DNAH9: variants seen among roughly 807,000 people sequenced by gnomAD.
The protein encoded by DNAH9 is dynein axonemal heavy chain 9.
Under a neutral mutation model 471.6 loss-of-function variants are expected in DNAH9, and 345 were observed. The ratio of observed to expected loss-of-function variants is 0.73; its 90% CI spans 0.67 to 0.80. DNAH9 has a LOEUF of 0.80. Ranked by LOEUF, DNAH9 falls within the 30% of genes least tolerant of loss-of-function variation. The pLI, the probability that DNAH9 is intolerant of heterozygous loss-of-function variation, is 0.00. For synonymous variants in DNAH9, 2,093 were observed against 2,123.6 expected, an observed-to-expected ratio of 0.99 and a Z score of 0.40; for missense variants, 5,407 against 5,609.2, an observed-to-expected ratio of 0.96 and a Z score of 1.15.
chr17:11,709,131 A>G (rs1354016056), intron 26 of DNAH9, among the ~76,000 whole-genome samples: 2 of 152,174 alleles, frequency 1.3e-5, no homozygotes, highest in Non-Finnish European at 2.9e-5. Flanking sequence ...TCTCTAGTAT[A>G]CTAGTGCTGA....
intron 6 of DNAH9, chr17:11,620,016 G>A (rs1028820883): frequency 1.9e-6 from 1 of 514,622 alleles, no homozygotes; most frequent in South Asian, 2.6e-5. Context: ...TTTAAAACCA[G>A]CCGGGCCAAC....
At chr17:11,717,749 T>G (rs1415373574) in intron 26 of DNAH9, among the ~76,000 whole-genome samples, 4 of 152,320 alleles carry the variant, frequency 2.6e-5, no homozygotes, top group Non-Finnish European at 5.9e-5. Flanking sequence ...ATCATCCAAC[T>G]GTAGAGCATT....
intron 66 of DNAH9, among the ~76,000 whole-genome samples, chr17:11,938,793 C>T (rs1480215557): frequency 6.6e-6 from 1 of 151,978 alleles, no homozygotes; most frequent in African/African-American, 2.4e-5. Context: ...GAGACAGGGT[C>T]GCACTATGTT....
chr17:11,754,604 C>G (rs1967297408), intron 33 of DNAH9, among the ~76,000 whole-genome samples: 1 of 152,056 alleles, frequency 6.6e-6, no homozygotes, highest in Admixed American at 6.6e-5. Context: ...TTTTCATATG[C>G]TTTTTGGCCA....
chr17:11,611,034 A>G (rs2072623313), intron 3 of DNAH9, among the ~76,000 whole-genome samples: 1 of 126,866 alleles, frequency 7.9e-6, no homozygotes, highest in African/African-American at 2.9e-5. Flanking sequence ...TTTGTCCAGA[A>G]AGGCTTCATT....
chr17:11,754,736 T>C (rs1011995830), intron 33 of DNAH9, among the ~76,000 whole-genome samples: 7 of 152,246 alleles, frequency 4.6e-5, no homozygotes, highest in Admixed American at 1.3e-4. Context: ...ATTAGACCTT[T>C]GTCAGATGCA....
At chr17:11,755,214 G>T (rs1967327194) in intron 33 of DNAH9, among the ~76,000 whole-genome samples, 1 of 152,122 alleles carries the variant, frequency 6.6e-6, no homozygotes, top group Non-Finnish European at 1.5e-5. Flanking sequence ...ATGCTGTTTT[G>T]GTTACTGTAG....
At chr17:11,615,184 G>C (rs1006138332) in intron 4 of DNAH9, among the ~76,000 whole-genome samples, 1 of 152,196 alleles carries the variant, frequency 6.6e-6, no homozygotes, top group Non-Finnish European at 1.5e-5. Flanking sequence ...ATTGGCAGAT[G>C]CTACAAATAA....
At chr17:11,722,912 G>T (rs1421755906) in intron 27 of DNAH9, among the ~76,000 whole-genome samples, 1 of 151,632 alleles carries the variant, frequency 6.6e-6, no homozygotes, top group African/African-American at 2.4e-5. Flanking sequence ...AAAGTGTTTG[G>T]AATTATTTCC....
intron 62 of DNAH9, among the ~76,000 whole-genome samples, chr17:11,926,411 C>G (rs1220495363): frequency 1.3e-5 from 2 of 152,130 alleles, no homozygotes; most frequent in Admixed American, 6.5e-5. Context: ...TCCCTCTCCC[C>G]CTATTCCACA....
chr17:11,599,308 T>A (rs148453974), intron 1 of DNAH9, among the ~76,000 whole-genome samples: 21 of 152,160 alleles, frequency 1.4e-4, no homozygotes, highest in African/African-American at 3.9e-4. Flanking sequence ...TAATCCCTCC[T>A]GTAAATTGGA....
intron 61 of DNAH9, among the ~76,000 whole-genome samples, chr17:11,918,221 T>C (rs3785940): frequency 0.16 from 23,391 of 149,896 alleles, 1,887 homozygotes; most frequent in Admixed American, 0.21. Context: ...TTTTGTTTTG[T>C]TTTGTTTTGT....
intron 9 of DNAH9, among the ~76,000 whole-genome samples, chr17:11,639,539 T>G (rs1331995222): frequency 6.6e-6 from 1 of 152,216 alleles, no homozygotes; most frequent in African/African-American, 2.4e-5. Context: ...ATGACCTGCC[T>G]CATTCATCAT....
At chr17:11,610,817 T>A (rs1258101874) in intron 3 of DNAH9, among the ~76,000 whole-genome samples, 2 of 152,228 alleles carry the variant, frequency 1.3e-5, no homozygotes, top group East Asian at 3.8e-4. Context: ...TTTCAAAGGC[T>A]CTTTGGACTA....
chr17:11,694,709 TC>T lies in DNAH9; in HGVS notation c.4872+263del, dbSNP rs2074412903. Among the ~76,000 whole-genome samples the T allele has an allele frequency of 9.0e-3, 49 of 5,442 alleles. 21 individuals carry two copies. The highest frequency in any genetic ancestry group is 0.011 in the African/African-American group (49 of 4,386). 3.6% of individuals were successfully genotyped at this position (5,442 alleles called of 152,430 possible). On this transcript the variant is annotated intron_variant, in intron 22 of 68. Transcript: ENST00000262442. Reference sequence around the variant, plus strand: ...TTCTCGCTTTCTCGCTTTCTCTCTCTCTCTCTCTCTCTCTCTCTTTCTCTTT... The same window carrying T: ...TTCTCGCTTTCTCGCTTTCTCTCTCTTCTCTCTCTCTCTCTCTTTCTCTTT...
intron 62 of DNAH9, among the ~76,000 whole-genome samples, chr17:11,926,698 A>C (rs1235618314): frequency 2.6e-5 from 4 of 152,212 alleles, no homozygotes; most frequent in African/African-American, 7.2e-5. Flanking sequence ...TGCTATTGTG[A>C]ATAGTGCTGC....
intron 48 of DNAH9, among the ~76,000 whole-genome samples, chr17:11,823,287 T>C (rs909037330): frequency 1.3e-5 from 2 of 152,150 alleles, no homozygotes; most frequent in African/African-American, 4.8e-5. Context: ...TCAGAAACAG[T>C]ACCAAAAGTT....
intron 43 of DNAH9, among the ~76,000 whole-genome samples, chr17:11,800,358 T>C (rs1969408851): frequency 6.6e-6 from 1 of 151,244 alleles, no homozygotes; most frequent in African/African-American, 2.4e-5. Context: ...TCGCTGTAAT[T>C]ATCTCCTCTC....
At chr17:11,959,922 T>C (rs564899991) in intron 67 of DNAH9, among the ~76,000 whole-genome samples, 13 of 152,234 alleles carry the variant, frequency 8.5e-5, no homozygotes, top group Non-Finnish European at 1.6e-4. Context: ...TGATTAGGGA[T>C]ATTGGTCTTT....
Sources: allele counts gnomAD v4.1 joint callset (sites outside exome capture counted in the v4.1 genomes callset), GRCh38; gene constraint gnomAD v4.1.1; transcripts MANE v1.5; gene names NCBI Gene and HGNC (gene_info 2026-07-23, HGNC 2026-07-21).